The following DEPDC1B variants were observed in gnomAD, a reference collection of about 807,000 sequenced individuals.
The protein encoded by DEPDC1B is DEP domain-containing protein 1B.
Under a neutral mutation model 66.5 loss-of-function variants are expected in DEPDC1B, and 51 were observed. That is an observed-to-expected ratio of 0.77 (90% CI 0.61 to 0.97). DEPDC1B has a LOEUF of 0.97. DEPDC1B is among the 50% of genes least tolerant of loss of function. DEPDC1B has a pLI of 0.00. For synonymous variants in DEPDC1B, 226 were observed against 223.6 expected, an observed-to-expected ratio of 1.01 and a Z score of -0.10; for missense variants, 552 against 637.1, an observed-to-expected ratio of 0.87 and a Z score of 1.44.
rs1753355878 is a variant in DEPDC1B at position 60,647,727 on chromosome 5, C to G, written c.315-194G>C. 2.9e-5 allele frequency: 13 copies of G among 443,096 alleles called. No individual in the cohort carries two copies. The South Asian group carries it at 7.4e-4, about 25-fold the overall frequency. The allele number at this position is 443,096 out of a possible 1,614,324, so 27.4% of individuals were successfully genotyped here. ...TAAAGAAAAGAAAGGTGATTGAATA[C>G]ATATTTTTTATCAGATAATATTTTT... On this transcript the variant is annotated intron_variant, in intron 2 of 10. Coordinates refer to ENST00000265036, the MANE Select transcript of DEPDC1B (RefSeq NM_018369.3).
intron 2 of DEPDC1B, among the ~76,000 whole-genome samples, chr5:60,679,084 G>A (rs562598426): frequency 2.6e-5 from 4 of 152,168 alleles, no homozygotes; most frequent in African/African-American, 9.6e-5. Flanking sequence ...TTATGTTGAG[G>A]TTCTTTTTTT....
intron 7 of DEPDC1B, among the ~76,000 whole-genome samples, chr5:60,638,321 C>T (rs1753107060): frequency 6.6e-6 from 1 of 151,970 alleles, no homozygotes; most frequent in African/African-American, 2.4e-5. Context: ...TTACAAAATA[C>T]TACAAAAAAC....
At chr5:60,628,775 T>C (rs1335543290) in intron 7 of DEPDC1B, 1 of 152,178 alleles carries the variant, frequency 6.6e-6, no homozygotes, top group Admixed American at 6.5e-5. Flanking sequence ...TTTTTTTGCT[T>C]TTATGCTTAG....
At chr5:60,688,228 T>G (rs1333369434) in intron 1 of DEPDC1B, among the ~76,000 whole-genome samples, 1 of 152,048 alleles carries the variant, frequency 6.6e-6, no homozygotes, top group East Asian at 1.9e-4. Flanking sequence ...CAAAGCTTTT[T>G]GAAAGAATAG....
chr5:60,638,700 A>G, intron 7 of DEPDC1B, 50 bp downstream of exon 7: 1 of 1,523,140 alleles, frequency 6.6e-7, no homozygotes, highest in Non-Finnish European at 8.8e-7. Flanking sequence ...GAAAAATGAA[A>G]CGATTCAATA....
At chr5:60,647,573 G>T in intron 2 of DEPDC1B, 40 bp from the exon 3 acceptor site, 1 of 1,589,202 alleles carries the variant, frequency 6.3e-7, no homozygotes, top group South Asian at 1.2e-5. Flanking sequence ...TGCAGTCAGT[G>T]GGAGACACAG....
rs1052796029 is a variant in DEPDC1B, at chr5:60,699,909, A to G, written c.48+137T>C. ...GGCTCGTCCACTAAAAGGCAGCCCCAGTAGTCCCAGCTGAAATGCTCCACA... is the reference window on the plus strand; with the variant it reads ...GGCTCGTCCACTAAAAGGCAGCCCCGGTAGTCCCAGCTGAAATGCTCCACA... On this transcript the variant is annotated intron_variant, in intron 1 of 10. Transcript: ENST00000265036. 3.8e-6 allele frequency: 4 copies of G among 1,042,902 alleles called. No individual in the cohort carries two copies. The African/African-American group carries it at 4.8e-5, about 13-fold the overall frequency. The allele number at this position is 1,042,902 out of a possible 1,614,324, so 64.6% of individuals were successfully genotyped here.
intron 7 of DEPDC1B, among the ~76,000 whole-genome samples, chr5:60,607,857 A>G (rs1752342054): frequency 6.6e-6 from 1 of 152,222 alleles, no homozygotes; most frequent in Non-Finnish European, 1.5e-5. Flanking sequence ...TGTGTGACGT[A>G]CAGGAATGCG....
intron 1 of DEPDC1B, among the ~76,000 whole-genome samples, chr5:60,688,181 T>C (rs1200563100): frequency 2.0e-5 from 3 of 152,054 alleles, no homozygotes; most frequent in African/African-American, 7.2e-5. Flanking sequence ...GATAAACCTT[T>C]GAAAAGTGAT....
At chr5:60,655,937 T>C (rs1170977497) in intron 2 of DEPDC1B, among the ~76,000 whole-genome samples, 3 of 148,914 alleles carry the variant, frequency 2.0e-5, no homozygotes, top group Non-Finnish European at 4.4e-5. Context: ...AGGGTTCCTT[T>C]TGGAGTTGAT....
chr5:60,697,094 T>C lies in DEPDC1B; in HGVS notation c.48+2952A>G, dbSNP rs182687313. Among the ~76,000 whole-genome samples, 168 of 152,168 alleles carry C rather than the reference T, an allele frequency of 1.1e-3. 1 individual carries two copies. Among genetic ancestry groups the C allele is most frequent in the Non-Finnish European group, 1.9e-3 (128 of 67,994 alleles). On this transcript the variant is annotated intron_variant, in intron 1 of 10. Transcript: ENST00000265036. ...ATTTAAGCAGTTTCTAGAAAAAAAA[T>C]TTTTCTCTCTACTTGAATGAACTAT...
At chr5:60,658,927 G>A (rs930690763) in intron 2 of DEPDC1B, among the ~76,000 whole-genome samples, 12 of 152,098 alleles carry the variant, frequency 7.9e-5, no homozygotes, top group Non-Finnish European at 1.3e-4. Flanking sequence ...CCACCCCTCC[G>A]GATCCAGCAG....
chr5:60,676,279 G>A (rs1407758321), intron 2 of DEPDC1B, among the ~76,000 whole-genome samples: 1 of 149,932 alleles, frequency 6.7e-6, no homozygotes, highest in Non-Finnish European at 1.5e-5. Context: ...ATGTTCCCCA[G>A]GCTGGCCTTA....
chr5:60,633,429 G>A (rs948058853), intron 7 of DEPDC1B, among the ~76,000 whole-genome samples: 3 of 152,190 alleles, frequency 2.0e-5, no homozygotes, highest in African/African-American at 7.2e-5. Flanking sequence ...GTAGACTTGG[G>A]AAGCACACAA....
intron 7 of DEPDC1B, among the ~76,000 whole-genome samples, chr5:60,610,641 G>A (rs1411071450): frequency 1.3e-5 from 2 of 152,110 alleles, no homozygotes; most frequent in African/African-American, 2.4e-5. Context: ...ACATTACATA[G>A]TATGGAAGAA....
At chr5:60,685,865 C>A (rs1209852270) in intron 2 of DEPDC1B, among the ~76,000 whole-genome samples, 5 of 152,170 alleles carry the variant, frequency 3.3e-5, no homozygotes, top group Non-Finnish European at 5.9e-5. Context: ...TATCCAATAT[C>A]CTAATTAAAA....
intron 7 of DEPDC1B, among the ~76,000 whole-genome samples, chr5:60,632,640 A>G (rs547338687): frequency 9.8e-5 from 15 of 152,322 alleles, no homozygotes; most frequent in South Asian, 6.2e-4. Context: ...CCTTGCTTCA[A>G]GGGCCCATGG....
At chr5:60,614,722 G>A (rs1561358459) in intron 7 of DEPDC1B, among the ~76,000 whole-genome samples, 1 of 152,188 alleles carries the variant, frequency 6.6e-6, no homozygotes. Flanking sequence ...CAGGCATGGT[G>A]GCTGATGCCT....
intron 10 of DEPDC1B, among the ~76,000 whole-genome samples, chr5:60,598,652 A>G (rs775455233): frequency 6.6e-6 from 1 of 152,216 alleles, no homozygotes; most frequent in East Asian, 1.9e-4. Flanking sequence ...AACTAATTTG[A>G]TAGTGGCTAT....
Sources: allele counts gnomAD v4.1 joint callset (sites outside exome capture counted in the v4.1 genomes callset), GRCh38; gene constraint gnomAD v4.1.1; transcripts MANE v1.5; gene names NCBI Gene and HGNC (gene_info 2026-07-23, HGNC 2026-07-21).